Variants in NR1H4 observed in about 807,000 individuals in gnomAD.
The protein encoded by NR1H4 is bile acid receptor.
NR1H4 carries 23 observed loss-of-function variants against 58.5 expected under a neutral mutation model. The ratio of observed to expected loss-of-function variants is 0.39; its 90% CI spans 0.28 to 0.56. NR1H4 has a LOEUF of 0.56. NR1H4 is among the 20% of genes least tolerant of loss of function. NR1H4 has a pLI of 0.58. For missense variants in NR1H4, 487 were observed against 576.9 expected (o/e 0.84, Z 1.60); for synonymous variants, 214 against 198.0 (o/e 1.08, Z -0.68).
intron 1 of NR1H4, among the ~76,000 whole-genome samples, chr12:100,488,291 C>A (rs1953538414): frequency 6.6e-6 from 1 of 152,210 alleles, no homozygotes; most frequent in African/African-American, 2.4e-5. Flanking sequence ...TGAGCCACTG[C>A]ATCCGGCCAT....
chr12:100,509,287 A>G (rs759061998), intron 3 of NR1H4, among the ~76,000 whole-genome samples: 2 of 152,106 alleles, frequency 1.3e-5, no homozygotes, highest in African/African-American at 2.4e-5. Context: ...AAACTTTCCT[A>G]TCTCTTATTT....
intron 4 of NR1H4, among the ~76,000 whole-genome samples, chr12:100,523,288 C>G (rs559745496): frequency 9.2e-5 from 14 of 152,262 alleles, no homozygotes; most frequent in African/African-American, 2.6e-4. Context: ...TTTTAATTTG[C>G]ATTTCCCCAA....
intron 9 of NR1H4, among the ~76,000 whole-genome samples, chr12:100,556,218 A>C (rs1283102156): frequency 2.0e-5 from 3 of 152,206 alleles, no homozygotes; most frequent in Non-Finnish European, 4.4e-5. Flanking sequence ...CTGTAATCCC[A>C]GCACTTTGAG....
intron 8 of NR1H4, among the ~76,000 whole-genome samples, chr12:100,537,291 T>A (rs1012808942): frequency 8.5e-5 from 13 of 152,338 alleles, no homozygotes; most frequent in Non-Finnish European, 1.6e-4. Context: ...ATTTAATATC[T>A]GATTTAAAGT....
At chr12:100,486,491 G>T (rs1176261053) in intron 1 of NR1H4, among the ~76,000 whole-genome samples, 1 of 152,182 alleles carries the variant, frequency 6.6e-6, no homozygotes, top group Non-Finnish European at 1.5e-5. Flanking sequence ...GCACATTTGA[G>T]CAAATGGAGA....
At chr12:100,536,381 T>A (rs1954812665) in intron 6 of NR1H4, 131 bp from the exon 7 acceptor site, 3 of 647,230 alleles carry the variant, frequency 4.6e-6, no homozygotes, top group Non-Finnish European at 8.3e-6. Context: ...TTAGAACTCA[T>A]AGTTCCTGCT....
intron 9 of NR1H4, among the ~76,000 whole-genome samples, chr12:100,546,727 C>A (rs1042997588): frequency 2.0e-5 from 3 of 151,856 alleles, no homozygotes; most frequent in Non-Finnish European, 2.9e-5. Flanking sequence ...CAAACAAAAT[C>A]AAAAATCCAT....
chr12:100,494,844 A>G (rs576989415), intron 3 of NR1H4, among the ~76,000 whole-genome samples: 8 of 152,178 alleles, frequency 5.3e-5, no homozygotes, highest in Non-Finnish European at 1.2e-4. Context: ...TTTTTTTCAA[A>G]CAGAAACTTC....
chr12:100,534,255 A>G (rs1954764086), intron 5 of NR1H4, among the ~76,000 whole-genome samples: 1 of 152,236 alleles, frequency 6.6e-6, no homozygotes, highest in African/African-American at 2.4e-5. Context: ...AAGACATTTT[A>G]AAAGTCACCT....
At chr12:100,560,633 A>ACACT (rs1287649917) in intron 9 of NR1H4, among the ~76,000 whole-genome samples, 2 of 151,990 alleles carry the variant, frequency 1.3e-5, no homozygotes, top group Non-Finnish European at 2.9e-5. Context: ...AAGAGCTGTA[A>ACACT]CACCGCGAGG....
chr12:100,539,966 T>G (rs1954899106), intron 8 of NR1H4, among the ~76,000 whole-genome samples: 1 of 152,120 alleles, frequency 6.6e-6, no homozygotes, highest in African/African-American at 2.4e-5. Flanking sequence ...AAAAGAGGCT[T>G]GTGTGTTCAC....
chr12:100,493,574 G>T (rs1316138430), intron 3 of NR1H4, among the ~76,000 whole-genome samples, 172 bp downstream of exon 3: 1 of 152,176 alleles, frequency 6.6e-6, no homozygotes, highest in Non-Finnish European at 1.5e-5. Context: ...TCGGACCTTG[G>T]ATTCATGGGA....
chr12:100,544,253 C>CAAAA (rs943465011), intron 9 of NR1H4, among the ~76,000 whole-genome samples: 12 of 64,320 alleles, frequency 1.9e-4, no homozygotes, highest in African/African-American at 3.9e-4. Context: ...CTCGGTCTCA[C>CAAAA]AAAAAAAAAA....
chr12:100,510,607 T>TTATATATATATA (rs34480475), intron 3 of NR1H4, among the ~76,000 whole-genome samples, 171 bp from the exon 4 acceptor site: 1,395 of 133,502 alleles, frequency 0.01, 22 homozygotes, highest in East Asian at 0.071. Context: ...TCATTTAATT[T>TTATATATATATA]TATATATATA....
chr12:100,511,337 A>C (rs1165820341), intron 4 of NR1H4, among the ~76,000 whole-genome samples, 194 bp downstream of exon 4: 1 of 152,232 alleles, frequency 6.6e-6, no homozygotes, highest in Non-Finnish European at 1.5e-5. Context: ...TATTTAGCTT[A>C]ATGTTTAAGA....
chr12:100,489,819 T>C (rs908817768), intron 1 of NR1H4, among the ~76,000 whole-genome samples: 1 of 152,226 alleles, frequency 6.6e-6, no homozygotes, highest in Non-Finnish European at 1.5e-5. Context: ...CTTGTGTTAC[T>C]ATTTCAAAAA....
At chr12:100,516,960 A>G (rs957268204) in intron 4 of NR1H4, among the ~76,000 whole-genome samples, 1 of 152,208 alleles carries the variant, frequency 6.6e-6, no homozygotes, top group African/African-American at 2.4e-5. Context: ...GTTTTCATAC[A>G]TGTATAATTG....
At chr12:100,563,108 T>C (rs1385246972) in intron 10 of NR1H4, 143 bp from the exon 11 acceptor site, 9 of 687,322 alleles carry the variant, frequency 1.3e-5, no homozygotes, top group Admixed American at 7.1e-5. Context: ...TGCATAAAAA[T>C]TCATCAGGTT....
At chr12:100,542,828 G>A (rs1479962760) in intron 9 of NR1H4, among the ~76,000 whole-genome samples, 1 of 150,986 alleles carries the variant, frequency 6.6e-6, no homozygotes, top group African/African-American at 2.4e-5. Flanking sequence ...ATCATTGGTA[G>A]ATTTAAAAAC....
Sources: allele counts gnomAD v4.1 joint callset (sites outside exome capture counted in the v4.1 genomes callset), GRCh38; gene constraint gnomAD v4.1.1; transcripts MANE v1.5; gene names NCBI Gene and HGNC (gene_info 2026-07-23, HGNC 2026-07-21).